Variants in GAS6 observed in about 807,000 individuals in gnomAD.
The protein encoded by GAS6 is growth arrest-specific protein 6.
GAS6 carries 41 observed loss-of-function variants against 75.8 expected under a neutral mutation model. That is an observed-to-expected ratio of 0.54 (90% CI 0.42 to 0.70). The LOEUF (loss-of-function observed/expected upper bound fraction) is 0.70, where lower values mean the gene tolerates loss of function less well. Ranked by LOEUF, GAS6 falls within the 30% of genes least tolerant of loss-of-function variation. The probability of loss-of-function intolerance (pLI) is 0.00; values close to 1 mark genes in which losing one functional copy is unlikely to be tolerated. For synonymous variants in GAS6, 432 were observed against 412.6 expected, an observed-to-expected ratio of 1.05 and a Z score of -0.57; for missense variants, 854 against 940.2, an observed-to-expected ratio of 0.91 and a Z score of 1.20.
At chr13:113,842,722 C>G (rs572907977) in intron 4 of GAS6, 3 of 397,052 alleles carry the variant, frequency 7.6e-6, no homozygotes, top group African/African-American at 6.3e-5. Flanking sequence ...CCTCAGAGGC[C>G]CCCACCATGG....
intron 2 of GAS6, among the ~76,000 whole-genome samples, chr13:113,857,071 A>C (rs12585356): frequency 0.095 from 14,519 of 152,204 alleles, 907 homozygotes; most frequent in East Asian, 0.17. Flanking sequence ...AAGGGGAGGT[A>C]GTCACAAAAC....
In GAS6 at chr13:113,844,486, T is replaced by C. The variant is rs545154044; in HGVS notation, c.343+2041A>G. On this transcript the variant is annotated intron_variant, in intron 4 of 14. Coordinates refer to ENST00000327773, the MANE Select transcript of GAS6 (RefSeq NM_000820.4). The surrounding 1 kb of genome is among the most constrained non-coding windows in gnomAD (Gnocchi z 5.7). ...ACGGGACGCACAGGAAGAAAAGTGC[T>C]CCAAGGGACGGACAGGACGGTGCCG... The C allele has an allele frequency of 6.6e-6, 1 of 150,568 alleles. No homozygotes were observed. The highest frequency in any genetic ancestry group is 1.5e-5 in the Non-Finnish European group (1 of 68,002). 9.3% of individuals were successfully genotyped at this position (150,568 alleles called of 1,614,324 possible).
At chr13:113,861,083 G>C (rs571035302) in intron 2 of GAS6, among the ~76,000 whole-genome samples, 1 of 152,112 alleles carries the variant, frequency 6.6e-6, no homozygotes, top group Admixed American at 6.5e-5. Flanking sequence ...GGGTGCTTCC[G>C]GGAAGAAGGC....
intron 13 of GAS6, 192 bp downstream of exon 13, chr13:113,823,183 A>C (rs2051483262): frequency 1.7e-6 from 1 of 574,426 alleles, no homozygotes; most frequent in Admixed American, 3.4e-5. Context: ...TGTGGCGGTG[A>C]CCTGGTGTCC....
chr13:113,862,381 C>G (rs1034643306), intron 2 of GAS6, among the ~76,000 whole-genome samples: 1 of 152,350 alleles, frequency 6.6e-6, no homozygotes, highest in African/African-American at 2.4e-5. Flanking sequence ...ACCAGCCACA[C>G]GACCAACCCC....
At chr13:113,855,326 G>A (rs890258765) in intron 2 of GAS6, among the ~76,000 whole-genome samples, 4 of 152,304 alleles carry the variant, frequency 2.6e-5, no homozygotes, top group South Asian at 4.1e-4. Flanking sequence ...CACAGAAAGC[G>A]AACTGGGACT....
In GAS6 at chr13:113,823,165, C is replaced by T. The variant is rs1056112600; in HGVS notation, c.1653+210G>A. The T allele has an allele frequency of 5.7e-6, 3 of 525,286 alleles. No homozygotes were observed. The African/African-American group carries it at 5.8e-5, about 10-fold the overall frequency. The allele number at this position is 525,286 out of a possible 1,614,324, so 32.5% of individuals were successfully genotyped here. ...AGTGTGGCTCGCAGGCGCCGGCCCC[C>T]TCAGCTGTGTGGCGGTGACCTGGTG... On this transcript the variant is annotated intron_variant, in intron 13 of 14. Transcript: ENST00000327773.
chr13:113,834,475 G>GT, intron 8 of GAS6, 76 bp downstream of exon 8: 1 of 1,385,322 alleles, frequency 7.2e-7, no homozygotes, highest in East Asian at 2.7e-5. Flanking sequence ...TCACGGAAGT[G>GT]TTTCTCCCGA....
chr13:113,858,037 C>T (rs550948275), intron 2 of GAS6, among the ~76,000 whole-genome samples: 1 of 152,346 alleles, frequency 6.6e-6, no homozygotes, highest in Admixed American at 6.5e-5. Context: ...CACAGGGCTC[C>T]GGCCCCTCAG....
intron 11 of GAS6, among the ~76,000 whole-genome samples, 178 bp from the exon 12 acceptor site, chr13:113,827,342 A>C (rs986208969): frequency 2.0e-5 from 3 of 152,228 alleles, no homozygotes; most frequent in Non-Finnish European, 4.4e-5. Context: ...ACAACGCCTC[A>C]CTGCAGAATA....
At chr13:113,851,968 T>C (rs1310811129) in intron 2 of GAS6, among the ~76,000 whole-genome samples, 1 of 152,164 alleles carries the variant, frequency 6.6e-6, no homozygotes, top group Admixed American at 6.5e-5. Context: ...ATGCAGCCAT[T>C]AGGTCTCTCG....
rs1054346780 is a variant in GAS6 at position 113,837,844 on chromosome 13, C to A, written c.589+225G>T. 3.3e-5 allele frequency among the ~76,000 whole-genome samples: 5 copies of A among 152,152 alleles called. No homozygotes were observed. Among genetic ancestry groups the A allele is most frequent in the African/African-American group, 1.2e-4 (5 of 41,428 alleles). On this transcript the variant is annotated intron_variant, in intron 6 of 14. Coordinates refer to ENST00000327773, the MANE Select transcript of GAS6 (RefSeq NM_000820.4). This position sits in a 1 kb window ranked among gnomAD's most constrained non-coding sequence, Gnocchi z 5.1. ...TGTGGCCTCATGGGCTGGGCCGGCC[C>A]CCTGAGTCCTGGCCCTCAGATGCCG...
chr13:113,829,363 C>T (rs1461581109), intron 10 of GAS6, among the ~76,000 whole-genome samples: 2 of 143,386 alleles, frequency 1.4e-5, no homozygotes, highest in Non-Finnish European at 1.5e-5. Context: ...CCAAGAGGGA[C>T]CTGACCTCAG....
In GAS6 at chr13:113,837,744, TCACTA is replaced by T. The variant is rs1187887993; in HGVS notation, c.589+320_589+324del. ...TAGCCTGGAGCCCTGACCCACAAGC[TCACTA>T]CACAAGTGCCTGGAGCACTTCCAGG... On this transcript the variant is annotated intron_variant, in intron 6 of 14. Coordinates refer to ENST00000327773, the MANE Select transcript of GAS6 (RefSeq NM_000820.4). This position sits in a 1 kb window ranked among gnomAD's most constrained non-coding sequence, Gnocchi z 5.1. Among the ~76,000 whole-genome samples, 1 of 152,006 alleles carries T rather than the reference TCACTA, an allele frequency of 6.6e-6. No homozygotes were observed. The highest frequency in any genetic ancestry group is 1.5e-5 in the Non-Finnish European group (1 of 67,984).
chr13:113,834,743 G>T, intron 7 of GAS6, 71 bp from the exon 8 acceptor site: 1 of 1,350,286 alleles, frequency 7.4e-7, no homozygotes, highest in Non-Finnish European at 9.6e-7. Context: ...ATCACACCGC[G>T]ATTGCTCAAA....
chr13:113,826,430 GCA>G (rs1228739704), intron 12 of GAS6, among the ~76,000 whole-genome samples: 60 of 140,280 alleles, frequency 4.3e-4, no homozygotes, highest in East Asian at 1.1e-3. Context: ...CGCTGGCCTC[GCA>G]GGCACCTTCT....
intron 2 of GAS6, among the ~76,000 whole-genome samples, chr13:113,852,158 A>C (rs2051881230): frequency 6.6e-6 from 1 of 152,228 alleles, no homozygotes; most frequent in African/African-American, 2.4e-5. Context: ...TAAATTCGTA[A>C]ACTTTCTTAA....
rs761933290 is a variant in GAS6, at chr13:113,834,572, G to A, written c.813C>T (p.Ser271=). 1 of 1,598,320 alleles carries A rather than the reference G, an allele frequency of 6.3e-7. No homozygotes were observed. Among genetic ancestry groups the A allele is most frequent in the South Asian group, 1.1e-5 (1 of 88,864 alleles). The change falls in exon 8 of 15, where the codon TCC becomes TCT. Residue 271 remains serine (S), a synonymous_variant. Transcript: ENST00000327773. The part of the protein sequence containing the change: ...HCDGRGGLKL[S]QDMDTCEDIL... ...CTACCTCACAGGTGTCCATGTCCTG[G>A]GACAGCTTGAGGCCCCCACGCCCGT...
In GAS6 at chr13:113,828,722, G is replaced by A; in HGVS notation, c.1144-11C>T. On this transcript the variant is annotated splice_polypyrimidine_tract_variant and intron_variant, in intron 10 of 14. Coordinates refer to ENST00000327773, the MANE Select transcript of GAS6 (RefSeq NM_000820.4). ...CTCCTCAACAGAGATCTGAAGAGAG[G>A]CAGCGCCATGAGAAAAGATGGGAGT... 1 of 1,611,330 alleles carries A rather than the reference G, an allele frequency of 6.2e-7. No homozygotes were observed.
Sources: allele counts gnomAD v4.1 joint callset (sites outside exome capture counted in the v4.1 genomes callset), GRCh38; gene constraint gnomAD v4.1.1; non-coding constraint Gnocchi (gnomAD v3.1); transcripts MANE v1.5; gene names NCBI Gene and HGNC (gene_info 2026-07-23, HGNC 2026-07-21).